FRMPD1: variants seen among roughly 807,000 people sequenced by gnomAD.
The protein encoded by FRMPD1 is FERM and PDZ domain-containing protein 1.
Under a neutral mutation model 117.8 loss-of-function variants are expected in FRMPD1, and 76 were observed. The observed-to-expected ratio is 0.65, with a 90% confidence interval of 0.54 to 0.78. The LOEUF is 0.78. Among genes scored for constraint, FRMPD1 ranks in the 30% least tolerant of loss-of-function variants. The pLI, the probability that FRMPD1 is intolerant of heterozygous loss-of-function variation, is 0.00. For missense variants in FRMPD1, 1,786 were observed against 1,964.5 expected (o/e 0.91, Z 1.72); for synonymous variants, 783 against 770.4 (o/e 1.02, Z -0.27).
At chr9:37,636,999 C>T in the FRMPD1 span, 1 of 1,573,008 alleles carries the variant, frequency 6.4e-7, no homozygotes, top group Non-Finnish European at 8.7e-7. Flanking sequence ...CACTGCTTCA[C>T]GTTGGCATAG....
chr9:37,735,748 G>T lies in FRMPD1; in HGVS notation c.1401+14G>T, dbSNP rs564167294. ...CAGGACGTCAAGGTAACACAATGGG[G>T]AGAGATTCTGAATTCAACTGCTGGA... On this transcript the variant is annotated intron_variant, in intron 13 of 15. Coordinates refer to ENST00000377765, the MANE Select transcript of FRMPD1 (RefSeq NM_014907.3). 1 of 1,593,174 alleles carries T rather than the reference G, an allele frequency of 6.3e-7. No individual in the cohort carries two copies. The highest frequency in any genetic ancestry group is 1.1e-5 in the South Asian group (1 of 89,672).
intron 2 of FRMPD1, among the ~76,000 whole-genome samples, chr9:37,706,869 C>T (rs1822723811): frequency 6.6e-6 from 1 of 152,204 alleles, no homozygotes; most frequent in African/African-American, 2.4e-5. Context: ...TTTTTCCTCT[C>T]CTGTACCTCT....
chr9:37,727,174 A>G (rs532497589), intron 7 of FRMPD1, among the ~76,000 whole-genome samples: 1 of 152,106 alleles, frequency 6.6e-6, no homozygotes, highest in African/African-American at 2.4e-5. Context: ...TAAGCTAAGG[A>G]GTTTGGATTT....
chr9:37,742,334 G>A (rs1218245508), intron 15 of FRMPD1, among the ~76,000 whole-genome samples: 1 of 152,236 alleles, frequency 6.6e-6, no homozygotes, highest in Non-Finnish European at 1.5e-5. Context: ...CCATCAGTCA[G>A]GGCCCTTTTA....
chr9:37,740,873 G>T lies in FRMPD1; in HGVS notation c.2345G>T (p.Gly782Val). Residue 782 changes from glycine to valine, a missense_variant, in exon 15 of 16, where the codon GGC (glycine) becomes GTC (valine). Transcript: ENST00000377765. The surrounding 1 kb of genome is among the most constrained non-coding windows in gnomAD (Gnocchi z 4.2). ...GCGGCTGATAAGCTCACTCCCCCAG[G>T]CCCCCCGTCAGGTGAGCCGTCCCTT... The part of the protein sequence containing the change: ...YDAADKLTPP[G>V]PPSGPRDVST... The T allele has an allele frequency of 6.2e-7, 1 of 1,613,766 alleles. No homozygotes were observed. The highest frequency in any genetic ancestry group is 8.5e-7 in the Non-Finnish European group (1 of 1,179,684).
At chr9:37,717,243 G>A (rs1475111116) in intron 5 of FRMPD1, among the ~76,000 whole-genome samples, 1 of 151,002 alleles carries the variant, frequency 6.6e-6, no homozygotes, top group Non-Finnish European at 1.5e-5. Flanking sequence ...GGCTGTTAGT[G>A]ATCACTGTCT....
chr9:37,646,139 T>C (rs771778850), upstream of FRMPD1, among the ~76,000 whole-genome samples: 5 of 152,230 alleles, frequency 3.3e-5, no homozygotes, highest in Non-Finnish European at 7.3e-5. Flanking sequence ...CAGTAGTCCC[T>C]GAGTCTTGGC....
At chr9:37,716,010 C>T (rs920105693) in intron 5 of FRMPD1, among the ~76,000 whole-genome samples, 1 of 152,188 alleles carries the variant, frequency 6.6e-6, no homozygotes. Flanking sequence ...ATTTTCACTT[C>T]TCTGAGAGCT....
chr9:37,604,953 G>A, the FRMPD1 span, among the ~76,000 whole-genome samples: 3 of 152,200 alleles, frequency 2.0e-5, no homozygotes, highest in African/African-American at 7.2e-5. Flanking sequence ...CTCTGAGGCA[G>A]GCTCTATTAT....
chr9:37,667,920 G>T (rs1308089714), intron 1 of FRMPD1: 2 of 152,256 alleles, frequency 1.3e-5, no homozygotes, highest in Non-Finnish European at 2.9e-5. Flanking sequence ...ATCTGTTAAG[G>T]GGGGATAATG....
chr9:37,650,314 G>A (rs1047752142), upstream of FRMPD1, among the ~76,000 whole-genome samples: 4 of 152,188 alleles, frequency 2.6e-5, no homozygotes, highest in Non-Finnish European at 5.9e-5. Context: ...AGAGTCCCAG[G>A]GCGCTCCGGC....
the FRMPD1 span, among the ~76,000 whole-genome samples, chr9:37,619,926 A>C: frequency 6.6e-5 from 10 of 152,130 alleles, 1 homozygote; most frequent in South Asian, 1.7e-3. Flanking sequence ...GAAAAAAAAA[A>C]AAAAACCTGT....
At chr9:37,606,472 T>C in the FRMPD1 span, among the ~76,000 whole-genome samples, 1 of 152,180 alleles carries the variant, frequency 6.6e-6, no homozygotes, top group Non-Finnish European at 1.5e-5. Context: ...ACACTGCCCA[T>C]GGACAAAAAG....
chr9:37,719,197 T>C (rs1292030684), intron 6 of FRMPD1, 21 bp downstream of exon 6: 22 of 1,463,724 alleles, frequency 1.5e-5, no homozygotes, highest in Non-Finnish European at 1.4e-5. Flanking sequence ...AGTCAAGGGA[T>C]TGAAATTATG....
intron 1 of FRMPD1, among the ~76,000 whole-genome samples, chr9:37,659,141 C>T (rs1019179262): frequency 8.5e-5 from 13 of 152,176 alleles, no homozygotes; most frequent in African/African-American, 1.7e-4. Context: ...GCTGGGATGA[C>T]GGGTGTGAGC....
the FRMPD1 span, among the ~76,000 whole-genome samples, chr9:37,643,644 T>C: frequency 6.6e-6 from 1 of 152,206 alleles, no homozygotes; most frequent in African/African-American, 2.4e-5. Flanking sequence ...GATTCCTCTC[T>C]TTTAGTTATT....
At chr9:37,724,382 C>A in intron 7 of FRMPD1, 62 bp downstream of exon 7, 1 of 866,526 alleles carries the variant, frequency 1.2e-6, no homozygotes, top group Non-Finnish European at 1.9e-6. Flanking sequence ...TAGGACCCCC[C>A]AGGCATCTTG....
upstream of FRMPD1, among the ~76,000 whole-genome samples, chr9:37,647,564 A>C (rs1588896660): frequency 1.3e-5 from 2 of 152,268 alleles, no homozygotes; most frequent in East Asian, 3.9e-4. Context: ...TTAGGGTAAA[A>C]CTTGAGAAAC....
At chr9:37,609,169 G>A in the FRMPD1 span, among the ~76,000 whole-genome samples, 1 of 152,090 alleles carries the variant, frequency 6.6e-6, no homozygotes, top group East Asian at 1.9e-4. Flanking sequence ...GCACATGCCT[G>A]TAATCCCAGC....
Sources: gnomAD v4.1 joint callset for allele counts (sites outside exome capture counted in the v4.1 genomes callset) on GRCh38, gnomAD v4.1.1 for gene constraint, Gnocchi (gnomAD v3.1) non-coding constraint, MANE v1.5 for transcripts, NCBI Gene and HGNC (gene_info 2026-07-23, HGNC 2026-07-21) for gene names.